The following DSCAM variants were observed in gnomAD, a reference collection of about 807,000 sequenced individuals.
DSCAM encodes cell adhesion molecule DSCAM.
DSCAM carries 47 observed loss-of-function variants against 217.7 expected under a neutral mutation model. The ratio of observed to expected loss-of-function variants is 0.22; its 90% CI spans 0.17 to 0.28. The LOEUF is 0.28. Ranked by LOEUF, DSCAM falls within the 10% of genes least tolerant of loss-of-function variation. The pLI is 1.00. For synonymous variants in DSCAM, 1,056 were observed against 1,015.3 expected (o/e 1.04, Z -0.76); for missense variants, 2,080 against 2,618.3 (o/e 0.79, Z 4.49).
At chr21:40,271,204 G>A (rs117277858) in intron 11 of DSCAM, among the ~76,000 whole-genome samples, 2,202 of 152,300 alleles carry the variant, frequency 0.014, 117 homozygotes, top group East Asian at 0.1. Context: ...GCATGGAGGA[G>A]GGAGACCACA....
chr21:40,714,911 G>A (rs967502851), intron 1 of DSCAM, among the ~76,000 whole-genome samples: 13 of 152,170 alleles, frequency 8.5e-5, no homozygotes, highest in African/African-American at 2.7e-4. Context: ...AAGGTGACTC[G>A]TAAGAGGCAG....
chr21:40,153,013 G>A (rs2090440366), intron 16 of DSCAM, among the ~76,000 whole-genome samples: 1 of 152,218 alleles, frequency 6.6e-6, no homozygotes, highest in Non-Finnish European at 1.5e-5. Context: ...ATTTAGTTGG[G>A]AAATGAATTG....
chr21:40,067,821 T>G (rs1209194372), intron 27 of DSCAM, among the ~76,000 whole-genome samples: 1 of 148,068 alleles, frequency 6.8e-6, no homozygotes, highest in Non-Finnish European at 1.5e-5. Flanking sequence ...GTTTTCTGAT[T>G]CAAATAGCAT....
chr21:40,219,846 G>GCGC (rs1300299144), intron 11 of DSCAM, among the ~76,000 whole-genome samples: 2 of 152,204 alleles, frequency 1.3e-5, no homozygotes, highest in Admixed American at 1.3e-4. Flanking sequence ...TAATACAAAT[G>GCGC]CCAACAGGTA....
intron 22 of DSCAM, among the ~76,000 whole-genome samples, chr21:40,086,684 A>G (rs1240268059): frequency 6.6e-6 from 1 of 152,186 alleles, no homozygotes; most frequent in East Asian, 1.9e-4. Context: ...CTATTATTTA[A>G]ATAATTACTA....
chr21:40,420,221 A>C (rs1234670124), intron 3 of DSCAM, among the ~76,000 whole-genome samples: 1 of 146,736 alleles, frequency 6.8e-6, no homozygotes, highest in Non-Finnish European at 1.5e-5. Flanking sequence ...AAACAATGCC[A>C]ATTTTCATTT....
At chr21:40,598,843 C>T (rs1250840171) in intron 3 of DSCAM, among the ~76,000 whole-genome samples, 1 of 152,062 alleles carries the variant, frequency 6.6e-6, no homozygotes, top group Non-Finnish European at 1.5e-5. Context: ...TCTGTTACTC[C>T]ACATCTCATC....
chr21:40,256,294 C>T (rs2073368721), intron 11 of DSCAM, among the ~76,000 whole-genome samples: 1 of 152,040 alleles, frequency 6.6e-6, no homozygotes, highest in African/African-American at 2.4e-5. Context: ...TGCTACAAGG[C>T]ATGTGTGTGG....
At chr21:40,187,467 A>C (rs1462966233) in intron 13 of DSCAM, among the ~76,000 whole-genome samples, 1 of 152,218 alleles carries the variant, frequency 6.6e-6, no homozygotes, top group Non-Finnish European at 1.5e-5. Flanking sequence ...CATAGCCCTT[A>C]AGAACTGGAC....
intron 3 of DSCAM, among the ~76,000 whole-genome samples, chr21:40,663,076 C>T (rs906200663): frequency 8.0e-6 from 1 of 124,828 alleles, no homozygotes; most frequent in African/African-American, 2.9e-5. Flanking sequence ...TGTGTGTATG[C>T]CAGTATGTGT....
In DSCAM at chr21:40,717,843, A is replaced by G. The variant is rs2090858836; in HGVS notation, c.44-9072T>C. 1.3e-5 allele frequency among the ~76,000 whole-genome samples: 2 copies of G among 152,246 alleles called. 1 individual carries two copies. Among genetic ancestry groups the G allele is most frequent in the South Asian group, 4.1e-4 (2 of 4,836 alleles). ...AGCTATTTTAAAAAGTAGGAAGTCA[A>G]TGAAAGTTTTGACAATGAACAATCA... On this transcript the variant is annotated intron_variant, in intron 1 of 32. Coordinates refer to ENST00000400454, the MANE Select transcript of DSCAM (RefSeq NM_001389.5).
chr21:40,801,578 C>T (rs1477152146), intron 1 of DSCAM, among the ~76,000 whole-genome samples: 3 of 152,150 alleles, frequency 2.0e-5, no homozygotes, highest in African/African-American at 7.2e-5. Flanking sequence ...AGGAGCTAGA[C>T]CAAGGGCACC....
intron 15 of DSCAM, among the ~76,000 whole-genome samples, chr21:40,176,622 C>T (rs2090735190): frequency 6.6e-6 from 1 of 151,634 alleles, no homozygotes; most frequent in Admixed American, 6.5e-5. Flanking sequence ...ACCTATGAAC[C>T]AAGACAAAGA....
intron 3 of DSCAM, among the ~76,000 whole-genome samples, chr21:40,594,801 T>C (rs1448404330): frequency 6.6e-6 from 1 of 152,180 alleles, no homozygotes; most frequent in Non-Finnish European, 1.5e-5. Flanking sequence ...GTGTTTTTGG[T>C]GTTACTCAGG....
intron 3 of DSCAM, among the ~76,000 whole-genome samples, chr21:40,472,249 G>C (rs2075895256): frequency 6.6e-6 from 1 of 152,168 alleles, no homozygotes; most frequent in Admixed American, 6.5e-5. Flanking sequence ...GGTGAATGTG[G>C]ACACTTCATT....
chr21:40,552,082 G>A (rs188352723), intron 3 of DSCAM, among the ~76,000 whole-genome samples: 7 of 152,252 alleles, frequency 4.6e-5, no homozygotes, highest in East Asian at 1.9e-4. Flanking sequence ...TTGGGAGGCC[G>A]AGGTGGGCGG....
At chr21:40,448,202 G>T (rs764915530) in intron 3 of DSCAM, among the ~76,000 whole-genome samples, 3 of 152,160 alleles carry the variant, frequency 2.0e-5, no homozygotes, top group Non-Finnish European at 4.4e-5. Context: ...GTTTTTGGAA[G>T]AAATCAGCAT....
At chr21:40,775,000 A>T (rs1466635836) in intron 1 of DSCAM, among the ~76,000 whole-genome samples, 4 of 151,382 alleles carry the variant, frequency 2.6e-5, no homozygotes, top group Admixed American at 2.6e-4. Flanking sequence ...AATTTTTACA[A>T]AATAATTTTG....
intron 1 of DSCAM, among the ~76,000 whole-genome samples, chr21:40,812,031 A>G (rs1215645756): frequency 6.6e-6 from 1 of 152,254 alleles, no homozygotes; most frequent in African/African-American, 2.4e-5. Flanking sequence ...GAGTTAGCTT[A>G]CAAGGAGATA....
Sources: gnomAD v4.1 joint callset for allele counts (sites outside exome capture counted in the v4.1 genomes callset) on GRCh38, gnomAD v4.1.1 for gene constraint, MANE v1.5 for transcripts, NCBI Gene and HGNC (gene_info 2026-07-23, HGNC 2026-07-21) for gene names.